MAST4: variants seen among roughly 807,000 people sequenced by gnomAD.
MAST4 encodes microtubule associated serine/threonine kinase family member 4.
A neutral mutation model predicts 162.7 loss-of-function variants in MAST4; 89 were observed. The observed-to-expected ratio is 0.55, with a 90% CI of 0.46 to 0.65. The LOEUF (loss-of-function observed/expected upper bound fraction) is 0.65. Ranked by LOEUF, MAST4 falls within the 30% of genes least tolerant of loss-of-function variation. The pLI, the probability that MAST4 is intolerant of heterozygous loss-of-function variation, is 0.00. For synonymous variants in MAST4, 1,479 were observed against 1,361.1 expected, an observed-to-expected ratio of 1.09 and a Z score of -1.91; for missense variants, 3,153 against 3,374.0, an observed-to-expected ratio of 0.93 and a Z score of 1.62.
At position 66,788,805 on chromosome 5, in the gene MAST4, G is replaced by C; in HGVS notation, c.642+11G>C. 6.5e-7 allele frequency: 1 copy of C among 1,550,370 alleles called. No homozygotes were observed. Among genetic ancestry groups the C allele is most frequent in the Non-Finnish European group, 8.7e-7 (1 of 1,151,476 alleles). ...CTCACCGCCAGCCTGGTGAGTGTCC[G>C]CGGGCGCCGGTGGAGGCTGCTCCAG... On this transcript the variant is annotated intron_variant, in intron 3 of 28. Coordinates refer to ENST00000403625, the MANE Select transcript of MAST4 (RefSeq NM_001164664.2).
At chr5:66,959,170 T>C in intron 4 of MAST4, 1 of 777,406 alleles carries the variant, frequency 1.3e-6, no homozygotes, top group Non-Finnish European at 2.4e-6. Context: ...AGGTTCGGTT[T>C]GGCTCTCTGT....
chr5:66,887,942 C>G (rs1266859849), intron 3 of MAST4, among the ~76,000 whole-genome samples: 1 of 152,070 alleles, frequency 6.6e-6, no homozygotes, highest in Non-Finnish European at 1.5e-5. Context: ...GGCGCGGTGG[C>G]TCACGCCTGT....
rs6896043 is a variant in MAST4, at chr5:66,813,359, G to A, written c.642+24565G>A. 5.9e-3 allele frequency among the ~76,000 whole-genome samples: 905 copies of A among 152,212 alleles called. 7 individuals carry two copies. The highest frequency in any genetic ancestry group is 0.02 in the African/African-American group (816 of 41,516). The stretch of plus-strand genomic sequence containing the variant: ...TTGAAAAATTTTAAACTAAAATATT[G>A]GAGAGTAAAACCAGACAAGTGTATT... On this transcript the variant is annotated intron_variant, in intron 3 of 28. Coordinates refer to ENST00000403625, the MANE Select transcript of MAST4 (RefSeq NM_001164664.2).
At chr5:66,768,870 A>G (rs555817426) in intron 2 of MAST4, among the ~76,000 whole-genome samples, 1 of 152,286 alleles carries the variant, frequency 6.6e-6, no homozygotes, top group East Asian at 1.9e-4. Flanking sequence ...TAAAAATTAT[A>G]TCAGTAATAT....
intron 3 of MAST4, among the ~76,000 whole-genome samples, chr5:66,854,907 C>T (rs542800037): frequency 2.0e-5 from 3 of 152,164 alleles, no homozygotes; most frequent in Non-Finnish European, 2.9e-5. Context: ...ATTTTGTACC[C>T]GCCTTGACAT....
At chr5:67,115,494 T>A (rs578074588) in intron 12 of MAST4, among the ~76,000 whole-genome samples, 1 of 152,356 alleles carries the variant, frequency 6.6e-6, no homozygotes, top group East Asian at 1.9e-4. Context: ...TACTGTGAGA[T>A]AATGCCAGAT....
At chr5:67,121,555 A>G (rs1767591244) in intron 14 of MAST4, among the ~76,000 whole-genome samples, 1 of 151,916 alleles carries the variant, frequency 6.6e-6, no homozygotes, top group Non-Finnish European at 1.5e-5. Context: ...GTCTTTAAAT[A>G]AGTCTGGTTG....
intron 3 of MAST4, among the ~76,000 whole-genome samples, chr5:66,869,381 A>G (rs181038985): frequency 9.3e-4 from 141 of 152,244 alleles, no homozygotes; most frequent in African/African-American, 3.0e-3. Context: ...GTTTTGCTCA[A>G]TGGTCAGTGG....
chr5:67,024,467 G>A (rs1754392601), intron 4 of MAST4, among the ~76,000 whole-genome samples: 1 of 151,222 alleles, frequency 6.6e-6, no homozygotes, highest in Non-Finnish European at 1.5e-5. Context: ...AATGTGGGGT[G>A]TGTATATATA....
intron 3 of MAST4, among the ~76,000 whole-genome samples, chr5:66,877,138 G>C (rs987571789): frequency 6.6e-6 from 1 of 152,116 alleles, no homozygotes; most frequent in African/African-American, 2.4e-5. Flanking sequence ...TTGAGGAGGA[G>C]GAGTCAGCCT....
intron 1 of MAST4, among the ~76,000 whole-genome samples, chr5:66,630,092 GA>G (rs940387953): frequency 3.0e-4 from 46 of 151,166 alleles, no homozygotes; most frequent in African/African-American, 1.0e-3. Context: ...GAGGAACTTG[GA>G]AAAAAAAATC....
chr5:67,096,449 T>C (rs1481070919), intron 7 of MAST4, among the ~76,000 whole-genome samples: 1 of 152,150 alleles, frequency 6.6e-6, no homozygotes, highest in Admixed American at 6.6e-5. Flanking sequence ...CTGGCTCTCT[T>C]TGCACCAGCA....
At chr5:66,859,620 G>A (rs1269865820) in intron 3 of MAST4, among the ~76,000 whole-genome samples, 4 of 152,220 alleles carry the variant, frequency 2.6e-5, no homozygotes, top group Non-Finnish European at 4.4e-5. Flanking sequence ...AAGGTAATTA[G>A]AAAGCAGTGA....
intron 4 of MAST4, among the ~76,000 whole-genome samples, chr5:66,939,693 A>C (rs1161478938): frequency 5.3e-5 from 8 of 151,934 alleles, no homozygotes. Context: ...TTATTTTACA[A>C]CAAATCTGGA....
intron 4 of MAST4, among the ~76,000 whole-genome samples, chr5:66,981,758 G>C (rs1246810809): frequency 3.9e-5 from 6 of 152,198 alleles, no homozygotes; most frequent in East Asian, 1.9e-4. Flanking sequence ...TTCAAGAGAG[G>C]CTCTGACCCA....
chr5:66,636,501 G>T (rs76771430), intron 1 of MAST4, among the ~76,000 whole-genome samples: 1 of 152,152 alleles, frequency 6.6e-6, no homozygotes, highest in Non-Finnish European at 1.5e-5. Context: ...ATACTCGTTT[G>T]TGGTGGTGGT....
intron 5 of MAST4, among the ~76,000 whole-genome samples, chr5:67,088,901 G>T (rs757572251): frequency 6.6e-6 from 1 of 152,180 alleles, no homozygotes; most frequent in Non-Finnish European, 1.5e-5. Flanking sequence ...TTTCGGTAGA[G>T]ATATAGCCAG....
Position 66,668,509 on chromosome 5 carries a change from G to A in MAST4, c.363+71491G>A, listed in dbSNP as rs184279407. Among the ~76,000 whole-genome samples the A allele has an allele frequency of 1.8e-3, 270 of 152,254 alleles. 1 individual carries two copies. The highest frequency in any genetic ancestry group is 3.4e-3 in the Middle Eastern group (1 of 294). ...GTGGGTTGTGGAGAGATGCTGAATCGGGGGTATGTTAGTGGGAACTAAGCA... is the reference window on the plus strand; with the variant it reads ...GTGGGTTGTGGAGAGATGCTGAATCAGGGGTATGTTAGTGGGAACTAAGCA... On this transcript the variant is annotated intron_variant, in intron 1 of 28. Coordinates refer to ENST00000403625, the MANE Select transcript of MAST4 (RefSeq NM_001164664.2).
rs575995478 is a variant in MAST4, at chr5:66,620,900, T to G, written c.363+23882T>G. On this transcript the variant is annotated intron_variant, in intron 1 of 28. Coordinates refer to ENST00000403625, the MANE Select transcript of MAST4 (RefSeq NM_001164664.2). ...TTAATCAGCCCAAGCAGGTGCATTC[T>G]AAGTAAAAGAGATACGGTTTTAATG... Among the ~76,000 whole-genome samples the G allele has an allele frequency of 2.0e-5, 3 of 152,286 alleles. No individual in the cohort carries two copies. The East Asian group carries it at 5.8e-4, about 29-fold the overall frequency.
Sources: gnomAD v4.1 joint callset for allele counts (sites outside exome capture counted in the v4.1 genomes callset) on GRCh38, gnomAD v4.1.1 for gene constraint, MANE v1.5 for transcripts, NCBI Gene and HGNC (gene_info 2026-07-23, HGNC 2026-07-21) for gene names.